Variants in FUT9 observed in about 807,000 individuals in gnomAD.
The protein encoded by FUT9 is fucosyltransferase 9, also known as 4-galactosyl-N-acetylglucosaminide 3-alpha-L-fucosyltransferase 9.
A neutral mutation model predicts 29.7 loss-of-function variants in FUT9; 15 were observed. The observed-to-expected ratio is 0.51, with a 90% CI of 0.34 to 0.78. The LOEUF is 0.78. Ranked by LOEUF, FUT9 falls within the 30% of genes least tolerant of loss-of-function variation. The pLI, the probability that FUT9 is intolerant of heterozygous loss-of-function variation, is 0.01. For missense variants in FUT9, 319 were observed against 425.4 expected, an observed-to-expected ratio of 0.75 and a Z score of 2.20; for synonymous variants, 169 against 153.7, an observed-to-expected ratio of 1.10 and a Z score of -0.74.
intron 1 of FUT9, among the ~76,000 whole-genome samples, chr6:96,031,288 A>G (rs1770255969): frequency 1.3e-5 from 2 of 151,592 alleles, no homozygotes; most frequent in African/African-American, 4.8e-5. Flanking sequence ...ATTCCAAAGT[A>G]TTGACACACA....
intron 2 of FUT9, among the ~76,000 whole-genome samples, chr6:96,193,451 A>G (rs1179225711): frequency 6.8e-6 from 1 of 147,230 alleles, no homozygotes; most frequent in African/African-American, 2.5e-5. Flanking sequence ...CAGATGAAAA[A>G]ATGCTCATCA....
intron 2 of FUT9, among the ~76,000 whole-genome samples, chr6:96,168,468 A>G (rs1449984618): frequency 6.6e-6 from 1 of 152,162 alleles, no homozygotes; most frequent in African/African-American, 2.4e-5. Context: ...TTGACCTAAG[A>G]GCAGAAAGTA....
chr6:96,173,212 A>T (rs1274709694), intron 2 of FUT9, among the ~76,000 whole-genome samples: 1 of 152,144 alleles, frequency 6.6e-6, no homozygotes, highest in African/African-American at 2.4e-5. Flanking sequence ...TCTTGCCTTA[A>T]GAATGCCTGT....
chr6:96,043,272 T>G (rs377083152), intron 1 of FUT9, among the ~76,000 whole-genome samples: 1 of 145,102 alleles, frequency 6.9e-6, no homozygotes, highest in East Asian at 2.0e-4. Context: ...AGGATGGTCT[T>G]GATCTCCTGA....
intron 1 of FUT9, among the ~76,000 whole-genome samples, chr6:96,110,815 CTATT>C (rs1554193305): frequency 8.3e-5 from 12 of 145,152 alleles, no homozygotes; most frequent in African/African-American, 2.8e-4. Context: ...ACAAATGTGC[CTATT>C]TATTTATTTA....
chr6:96,075,859 A>T (rs535041657), intron 1 of FUT9, among the ~76,000 whole-genome samples: 1 of 152,178 alleles, frequency 6.6e-6, no homozygotes, highest in Non-Finnish European at 1.5e-5. Flanking sequence ...TAAAAGAATG[A>T]CATTTCTTTT....
Position 96,203,457 on chromosome 6 carries a change from A to G in FUT9, c.302A>G (p.Asn101Ser). 1 of 1,608,796 alleles carries G rather than the reference A, an allele frequency of 6.2e-7. No individual in the cohort carries two copies. The highest frequency in any genetic ancestry group is 2.2e-5 in the East Asian group (1 of 44,856). ...CTCACAACGGACCGTTCACTGTACAACAAATCCCATGCAGTTCTGATCCAT... is the reference window on the plus strand; with the variant it reads ...CTCACAACGGACCGTTCACTGTACAGCAAATCCCATGCAGTTCTGATCCAT... ...CHLTTDRSLY[N>S]KSHAVLIHHR... Residue 101 changes from asparagine to serine, a missense_variant, in exon 3 of 3, where the codon AAC becomes AGC. Physicochemically the swap from Asn to Ser is conservative, Grantham distance 46. Coordinates refer to ENST00000302103, the MANE Select transcript of FUT9 (RefSeq NM_006581.4).
At chr6:96,025,194 C>T (rs1432549923) in intron 1 of FUT9, among the ~76,000 whole-genome samples, 1 of 151,748 alleles carries the variant, frequency 6.6e-6, no homozygotes, top group African/African-American at 2.4e-5. Context: ...GAAGCTTCTG[C>T]CTACCCAGTG....
intron 1 of FUT9, among the ~76,000 whole-genome samples, chr6:96,095,761 C>T (rs1449547544): frequency 6.6e-6 from 1 of 152,096 alleles, no homozygotes; most frequent in African/African-American, 2.4e-5. Flanking sequence ...GCTAAGAGGA[C>T]AGACCTTTGC....
chr6:96,188,994 A>G (rs1178370252), intron 2 of FUT9, among the ~76,000 whole-genome samples: 1 of 152,074 alleles, frequency 6.6e-6, no homozygotes, highest in Non-Finnish European at 1.5e-5. Context: ...TACTCACACA[A>G]ATCTAGGTAA....
chr6:96,130,510 A>T (rs1562136156), intron 2 of FUT9, among the ~76,000 whole-genome samples: 1 of 152,198 alleles, frequency 6.6e-6, no homozygotes, highest in South Asian at 2.1e-4. Context: ...CTCTCTAAAA[A>T]GCAGAGACAT....
chr6:96,069,910 C>T (rs1771029841), intron 1 of FUT9, among the ~76,000 whole-genome samples: 1 of 151,830 alleles, frequency 6.6e-6, no homozygotes, highest in Non-Finnish European at 1.5e-5. Flanking sequence ...GGATTACAGG[C>T]GTGAGCCACC....
chr6:96,207,096 G>A lies in FUT9; in HGVS notation c.*2861G>A, dbSNP rs1268639152. The A allele has an allele frequency of 3.0e-5, 5 of 166,922 alleles. No homozygotes were observed. Among genetic ancestry groups the A allele is most frequent in the African/African-American group, 1.2e-4 (5 of 41,428 alleles). The allele number at this position is 166,922 out of a possible 1,614,324, so 10.3% of individuals were successfully genotyped here. On this transcript the variant is annotated 3_prime_UTR_variant, in exon 3 of 3. Transcript: ENST00000302103. ...TAGCTGTGGGTCCATTGATGTGTGAGTTTTAGAGCTGGAAGGAATTATAAT... is the reference window on the plus strand; with the variant it reads ...TAGCTGTGGGTCCATTGATGTGTGAATTTTAGAGCTGGAAGGAATTATAAT...
At chr6:96,081,340 A>AATT (rs1771234100) in intron 1 of FUT9, among the ~76,000 whole-genome samples, 1 of 151,706 alleles carries the variant, frequency 6.6e-6, no homozygotes, top group African/African-American at 2.4e-5. Context: ...CTTGGATAAT[A>AATT]CATTTTTTAG....
At chr6:96,067,022 A>G (rs1348777942) in intron 1 of FUT9, among the ~76,000 whole-genome samples, 1 of 151,986 alleles carries the variant, frequency 6.6e-6, no homozygotes, top group Non-Finnish European at 1.5e-5. Context: ...AACTTATTGA[A>G]TAGCTGCCAT....
intron 1 of FUT9, among the ~76,000 whole-genome samples, chr6:96,039,498 T>C (rs1007663361): frequency 1.2e-4 from 18 of 152,138 alleles, no homozygotes; most frequent in Admixed American, 2.0e-4. Context: ...TTTTTCTTCA[T>C]TCTGTCTCTT....
At chr6:96,104,042 C>G (rs1367589625) in intron 1 of FUT9, among the ~76,000 whole-genome samples, 3 of 152,186 alleles carry the variant, frequency 2.0e-5, no homozygotes, top group Non-Finnish European at 2.9e-5. Flanking sequence ...ACCACATTAT[C>G]TGATTAAATC....
chr6:96,098,947 CTG>C (rs1771544030), intron 1 of FUT9, among the ~76,000 whole-genome samples: 1 of 152,104 alleles, frequency 6.6e-6, no homozygotes, highest in Non-Finnish European at 1.5e-5. Flanking sequence ...GTGCATGTCT[CTG>C]TCATAGTCTT....
chr6:96,067,868 A>T (rs1770990167), intron 1 of FUT9, among the ~76,000 whole-genome samples: 1 of 152,212 alleles, frequency 6.6e-6, no homozygotes, highest in Non-Finnish European at 1.5e-5. Context: ...CTTATAAAAT[A>T]TGTAATACGT....
Sources: gnomAD v4.1 joint callset for allele counts (sites outside exome capture counted in the v4.1 genomes callset) on GRCh38, gnomAD v4.1.1 for gene constraint, MANE v1.5 for transcripts, NCBI Gene and HGNC (gene_info 2026-07-23, HGNC 2026-07-21) for gene names.